Variants in PPP6R2 observed in about 807,000 individuals in gnomAD.
The protein encoded by PPP6R2 is protein phosphatase 6 regulatory subunit 2.
In PPP6R2, 62 loss-of-function variants were observed where a neutral mutation model predicts 100.2. The ratio of observed to expected loss-of-function variants is 0.62; its 90% CI spans 0.50 to 0.76. The LOEUF (loss-of-function observed/expected upper bound fraction) is 0.76. PPP6R2 is among the 30% of genes least tolerant of loss of function. The pLI, the probability that PPP6R2 is intolerant of heterozygous loss-of-function variation, is 0.00. For synonymous variants in PPP6R2, 525 were observed against 514.7 expected, an observed-to-expected ratio of 1.02 and a Z score of -0.27; for missense variants, 1,142 against 1,276.3, an observed-to-expected ratio of 0.89 and a Z score of 1.60.
At chr22:50,401,147 C>T (rs1030527338) in intron 3 of PPP6R2, among the ~76,000 whole-genome samples, 1 of 152,170 alleles carries the variant, frequency 6.6e-6, no homozygotes, top group Non-Finnish European at 1.5e-5. Context: ...ATCCTCCCAT[C>T]TCAGCCTCCC....
chr22:50,354,998 C>G (rs555018926), intron 1 of PPP6R2, among the ~76,000 whole-genome samples: 15 of 151,804 alleles, frequency 9.9e-5, no homozygotes, highest in African/African-American at 3.1e-4. Flanking sequence ...TGCCTGCCAC[C>G]ATGCCTGGCT....
intron 1 of PPP6R2, among the ~76,000 whole-genome samples, chr22:50,362,639 G>C (rs1326156329): frequency 1.3e-5 from 2 of 152,130 alleles, no homozygotes; most frequent in African/African-American, 4.8e-5. Flanking sequence ...GTTCCATTTA[G>C]TGGTATTTGG....
chr22:50,443,797 C>G, intron 22 of PPP6R2, 69 bp from the exon 23 acceptor site: 1 of 1,499,248 alleles, frequency 6.7e-7, no homozygotes, highest in Admixed American at 2.0e-5. Flanking sequence ...CCAGCTGGTC[C>G]TTGGGCATGA....
the PPP6R2 span, among the ~76,000 whole-genome samples, chr22:50,332,656 G>A: frequency 1.4e-5 from 2 of 144,230 alleles, no homozygotes. Context: ...ATGGAGTCTC[G>A]CTCTGTCACC....
At chr22:50,442,635 C>T (rs902215598) in intron 22 of PPP6R2, among the ~76,000 whole-genome samples, 2 of 152,090 alleles carry the variant, frequency 1.3e-5, no homozygotes, top group African/African-American at 2.4e-5. Context: ...CTGCAACCTC[C>T]GCCTCCCGGG....
intron 1 of PPP6R2, among the ~76,000 whole-genome samples, chr22:50,364,738 G>A (rs2048403100): frequency 6.6e-6 from 1 of 152,124 alleles, no homozygotes; most frequent in Non-Finnish European, 1.5e-5. Context: ...GTGTGCAAAG[G>A]TGTTAGCTGG....
intron 6 of PPP6R2, among the ~76,000 whole-genome samples, chr22:50,418,273 T>G (rs2060812308): frequency 6.6e-6 from 1 of 151,708 alleles, no homozygotes; most frequent in African/African-American, 2.4e-5. Flanking sequence ...AAAAGAAAAC[T>G]CTAACCAGAT....
chr22:50,427,872 T>C (rs2062448598), intron 10 of PPP6R2, among the ~76,000 whole-genome samples: 1 of 152,188 alleles, frequency 6.6e-6, no homozygotes, highest in Admixed American at 6.5e-5. Flanking sequence ...AGGTGCCTGC[T>C]ACCTCGCGTG....
chr22:50,364,283 G>A (rs1021236846), intron 1 of PPP6R2, among the ~76,000 whole-genome samples: 14 of 152,234 alleles, frequency 9.2e-5, no homozygotes, highest in East Asian at 3.9e-4. Context: ...TATGAGAGAA[G>A]TGTCATACTT....
chr22:50,437,305 T>G (rs1248707825), intron 15 of PPP6R2, among the ~76,000 whole-genome samples: 1 of 152,204 alleles, frequency 6.6e-6, no homozygotes, highest in Non-Finnish European at 1.5e-5. Context: ...ATGGGGCGTA[T>G]CTCAGATGTG....
chr22:50,359,497 A>G (rs187975038), intron 1 of PPP6R2, among the ~76,000 whole-genome samples: 42 of 151,768 alleles, frequency 2.8e-4, no homozygotes, highest in Admixed American at 8.5e-4. Context: ...GATTACAGGC[A>G]TGAGCCACCA....
At chr22:50,362,181 T>G (rs1461842147) in intron 1 of PPP6R2, among the ~76,000 whole-genome samples, 1 of 152,134 alleles carries the variant, frequency 6.6e-6, no homozygotes, top group Non-Finnish European at 1.5e-5. Context: ...GGAAGGTGCA[T>G]CCTCATAATG....
intron 3 of PPP6R2, among the ~76,000 whole-genome samples, chr22:50,398,436 G>T: frequency 6.7e-6 from 1 of 149,436 alleles, no homozygotes; most frequent in East Asian, 2.0e-4. Flanking sequence ...GCCTCCCAAA[G>T]TGCTGGGATT....
At chr22:50,367,555 C>G (rs1415699012) in intron 1 of PPP6R2, among the ~76,000 whole-genome samples, 1 of 152,030 alleles carries the variant, frequency 6.6e-6, no homozygotes, top group African/African-American at 2.4e-5. Context: ...TATGCTGTCA[C>G]AGTTGCCATT....
chr22:50,354,270 A>AC (rs1266064246), intron 1 of PPP6R2, among the ~76,000 whole-genome samples: 1 of 152,128 alleles, frequency 6.6e-6, no homozygotes, highest in Non-Finnish European at 1.5e-5. Context: ...ATGCCACTGC[A>AC]CTCCAGCCTG....
intron 2 of PPP6R2, among the ~76,000 whole-genome samples, chr22:50,375,832 A>AGTTTTTTTTT (rs2051381919): frequency 1.5e-5 from 1 of 64,560 alleles, no homozygotes; most frequent in Non-Finnish European, 2.6e-5. Flanking sequence ...ATCCCTGCAG[A>AGTTTTTTTTT]TTTTTTTTTT....
chr22:50,440,082 T>C, intron 21 of PPP6R2, 33 bp downstream of exon 21: 1 of 1,581,032 alleles, frequency 6.3e-7, no homozygotes, highest in South Asian at 1.1e-5. Flanking sequence ...GCACCCAGCC[T>C]TGCCCAGTTT....
the PPP6R2 span, among the ~76,000 whole-genome samples, chr22:50,331,718 G>C: frequency 0.014 from 2,094 of 152,266 alleles, 49 homozygotes; most frequent in African/African-American, 0.047. Flanking sequence ...TGCCTCCCGA[G>C]TTCAAGCAAT....
At chr22:50,362,614 A>C (rs544048832) in intron 1 of PPP6R2, among the ~76,000 whole-genome samples, 1 of 152,082 alleles carries the variant, frequency 6.6e-6, no homozygotes, top group Non-Finnish European at 1.5e-5. Context: ...CCAGATTCCT[A>C]TGTTGAAATC....
Sources: allele counts gnomAD v4.1 joint callset (sites outside exome capture counted in the v4.1 genomes callset), GRCh38; gene constraint gnomAD v4.1.1; transcripts MANE v1.5; gene names NCBI Gene and HGNC (gene_info 2026-07-23, HGNC 2026-07-21).